Variants in DSCAML1 observed in about 807,000 individuals in gnomAD.
DSCAML1 encodes DS cell adhesion molecule like 1.
Under a neutral mutation model 200.5 loss-of-function variants are expected in DSCAML1, and 38 were observed. The ratio of observed to expected loss-of-function variants is 0.19; its 90% CI spans 0.15 to 0.25. The LOEUF (loss-of-function observed/expected upper bound fraction) is 0.25, where lower values mean the gene tolerates loss of function less well. DSCAML1 is among the 10% of genes least tolerant of loss of function. The pLI is 1.00. For missense variants in DSCAML1, 2,223 were observed against 2,858.8 expected (o/e 0.78, Z 5.07); for synonymous variants, 1,215 against 1,165.0 (o/e 1.04, Z -0.87).
chr11:117,675,144 G>A (rs2053184660), intron 3 of DSCAML1, among the ~76,000 whole-genome samples: 2 of 152,212 alleles, frequency 1.3e-5, no homozygotes, highest in African/African-American at 4.8e-5. Context: ...GAAGATGTAT[G>A]AGTTAACATA....
chr11:117,630,828 G>C (rs773330062), intron 3 of DSCAML1, among the ~76,000 whole-genome samples: 20 of 152,114 alleles, frequency 1.3e-4, no homozygotes, highest in Non-Finnish European at 2.8e-4. Context: ...GCAGGAGGAA[G>C]AGTGCCTGGG....
At chr11:117,474,786 G>T (rs577412097) in intron 14 of DSCAML1, among the ~76,000 whole-genome samples, 1 of 144,682 alleles carries the variant, frequency 6.9e-6, no homozygotes, top group African/African-American at 2.6e-5. Flanking sequence ...ATGGAGTCTC[G>T]CTCTGTCGCC....
At chr11:117,609,365 A>T (rs1235328356) in intron 3 of DSCAML1, among the ~76,000 whole-genome samples, 2 of 148,156 alleles carry the variant, frequency 1.3e-5, no homozygotes, top group Non-Finnish European at 3.0e-5. Flanking sequence ...TGGAGTGCAG[A>T]TGTGCGATCA....
Position 117,549,158 on chromosome 11 carries a change from C to T in DSCAML1, c.512-16636G>A, listed in dbSNP as rs556033503. Reference sequence around the variant, plus strand: ...CCTTCCCACTCCGGGGGTCTACCTGCCTCAGAGGCCTCCAATGGCCTCCTC... The same window carrying T: ...CCTTCCCACTCCGGGGGTCTACCTGTCTCAGAGGCCTCCAATGGCCTCCTC... On this transcript the variant is annotated intron_variant, in intron 3 of 32. Transcript: ENST00000651296. 1.5e-4 allele frequency among the ~76,000 whole-genome samples: 23 copies of T among 152,306 alleles called. 1 individual carries two copies. The South Asian group carries it at 4.8e-3, about 32-fold the overall frequency.
chr11:117,445,962 A>G (rs781433743), intron 20 of DSCAML1, among the ~76,000 whole-genome samples: 2 of 152,282 alleles, frequency 1.3e-5, no homozygotes, highest in Non-Finnish European at 2.9e-5. Context: ...AAGAAACTAT[A>G]GGTAAATATT....
chr11:117,471,788 C>A, intron 15 of DSCAML1, 81 bp downstream of exon 15: 1 of 1,495,546 alleles, frequency 6.7e-7, no homozygotes, highest in South Asian at 1.3e-5. Context: ...AAGCTCATTG[C>A]CAGTGAACAG....
At chr11:117,801,517 T>C (rs979955147), upstream of DSCAML1, 2 of 152,194 alleles carry the variant, frequency 1.3e-5, no homozygotes, top group African/African-American at 4.8e-5. Context: ...TATATACACA[T>C]ACATCTAAAA....
chr11:117,496,466 A>C (rs1592665400), intron 11 of DSCAML1, among the ~76,000 whole-genome samples: 1 of 151,984 alleles, frequency 6.6e-6, no homozygotes, highest in African/African-American at 2.4e-5. Context: ...GCCTGCCTGC[A>C]TTTTCTTATC....
intron 3 of DSCAML1, among the ~76,000 whole-genome samples, chr11:117,729,927 G>A (rs777899792): frequency 2.6e-5 from 4 of 152,248 alleles, no homozygotes; most frequent in Non-Finnish European, 4.4e-5. Context: ...CAGGCCGGGC[G>A]CAGTGGCTCA....
chr11:117,741,992 C>G (rs189265275), intron 3 of DSCAML1, among the ~76,000 whole-genome samples: 2 of 152,322 alleles, frequency 1.3e-5, no homozygotes, highest in East Asian at 3.9e-4. Flanking sequence ...TTACCCTGGG[C>G]AAATGCTCTC....
intron 3 of DSCAML1, among the ~76,000 whole-genome samples, chr11:117,657,856 C>G (rs1221048229): frequency 6.6e-6 from 1 of 152,150 alleles, no homozygotes; most frequent in Non-Finnish European, 1.5e-5. Context: ...CACAATGAAG[C>G]AGAGCCTCTC....
At chr11:117,779,729 C>T (rs1000495789) in intron 2 of DSCAML1, among the ~76,000 whole-genome samples, 5 of 152,118 alleles carry the variant, frequency 3.3e-5, no homozygotes, top group African/African-American at 1.2e-4. Flanking sequence ...AAAATATCTA[C>T]ATTGTTAGAA....
chr11:117,461,358 G>A, intron 18 of DSCAML1, 92 bp downstream of exon 18: 3 of 1,558,842 alleles, frequency 1.9e-6, no homozygotes, highest in East Asian at 2.2e-5. Flanking sequence ...CCAAGCTGTG[G>A]GAGGATGCTC....
intron 3 of DSCAML1, among the ~76,000 whole-genome samples, chr11:117,748,866 C>A (rs1387821497): frequency 6.6e-6 from 1 of 152,172 alleles, no homozygotes; most frequent in Admixed American, 6.5e-5. Flanking sequence ...AGAGGCAGGG[C>A]TGCTATGAGC....
intron 1 of DSCAML1, among the ~76,000 whole-genome samples, chr11:117,790,884 C>A (rs1015350736): frequency 6.6e-6 from 1 of 152,210 alleles, no homozygotes; most frequent in Non-Finnish European, 1.5e-5. Flanking sequence ...CACACATGCA[C>A]GTGCAAACAC....
rs565411439 is a variant in DSCAML1, at chr11:117,465,658, G to A, written c.3025-476C>T. Among the ~76,000 whole-genome samples, 19 of 152,208 alleles carry A rather than the reference G, an allele frequency of 1.2e-4. No individual in the cohort carries two copies. In the South Asian group the frequency reaches 2.5e-3, roughly 20 times the overall value. Reference sequence around the variant, plus strand: ...TTTGCCTGTCTGCCTGCATTAGAACGGAAGCACTGTGAGGACGCTTTGTTA... The same window carrying A: ...TTTGCCTGTCTGCCTGCATTAGAACAGAAGCACTGTGAGGACGCTTTGTTA... On this transcript the variant is annotated intron_variant, in intron 16 of 32. Transcript: ENST00000651296.
chr11:117,814,504 G>A (rs1263065646), intron 1 of DSCAML1, among the ~76,000 whole-genome samples: 2 of 152,186 alleles, frequency 1.3e-5, no homozygotes, highest in Non-Finnish European at 2.9e-5. Flanking sequence ...GCAGGGACAG[G>A]GGTGGTCCAC....
At chr11:117,666,779 C>G (rs1409096288) in intron 3 of DSCAML1, among the ~76,000 whole-genome samples, 2 of 152,208 alleles carry the variant, frequency 1.3e-5, no homozygotes, top group Non-Finnish European at 2.9e-5. Flanking sequence ...AAGCCTTGAT[C>G]TCTTCTTCTG....
intron 3 of DSCAML1, among the ~76,000 whole-genome samples, chr11:117,551,816 G>A (rs2050472162): frequency 6.6e-6 from 1 of 151,970 alleles, no homozygotes; most frequent in Admixed American, 6.6e-5. Flanking sequence ...CAGCATATCA[G>A]CAGTCACACC....
Sources: allele counts gnomAD v4.1 joint callset (sites outside exome capture counted in the v4.1 genomes callset), GRCh38; gene constraint gnomAD v4.1.1; transcripts MANE v1.5; gene names NCBI Gene and HGNC (gene_info 2026-07-23, HGNC 2026-07-21).